The following RUNX1T1 variants were observed in gnomAD, a reference collection of about 807,000 sequenced individuals.
RUNX1T1 encodes RUNX1 partner transcriptional co-repressor 1.
RUNX1T1 carries 4 observed loss-of-function variants against 62.8 expected under a neutral mutation model. The observed-to-expected ratio is 0.06, with a 90% confidence interval of 0.03 to 0.15. The LOEUF (loss-of-function observed/expected upper bound fraction) is 0.15, where lower values mean the gene tolerates loss of function less well. RUNX1T1 is among the 10% of genes least tolerant of loss of function. RUNX1T1 has a pLI of 1.00. For missense variants in RUNX1T1, 508 were observed against 754.3 expected, an observed-to-expected ratio of 0.67 and a Z score of 3.82; for synonymous variants, 291 against 286.0, an observed-to-expected ratio of 1.02 and a Z score of -0.18.
intron 1 of RUNX1T1, among the ~76,000 whole-genome samples, chr8:92,033,976 A>T (rs917556522): frequency 2.0e-5 from 3 of 151,740 alleles, no homozygotes; most frequent in African/African-American, 7.3e-5. Flanking sequence ...CTCAAAAAAA[A>T]AAAATTTTTT....
chr8:92,017,497 T>C (rs1028705512), intron 1 of RUNX1T1, 134 bp from the exon 3 acceptor site: 4 of 1,541,480 alleles, frequency 2.6e-6, no homozygotes, highest in Non-Finnish European at 3.5e-6. Context: ...ACTTATCTAC[T>C]GACGTTTAAA....
intron 1 of RUNX1T1, among the ~76,000 whole-genome samples, chr8:92,019,429 G>A (rs1004573073): frequency 2.0e-5 from 3 of 151,986 alleles, no homozygotes; most frequent in African/African-American, 7.3e-5. Context: ...AGGGGGAGGG[G>A]AAGTGGGAGT....
intron 10 of RUNX1T1, among the ~76,000 whole-genome samples, chr8:91,966,478 T>C (rs1205690213): frequency 6.6e-6 from 1 of 152,160 alleles, no homozygotes; most frequent in African/African-American, 2.4e-5. Context: ...TAAAAGTATT[T>C]ATCTGTTTCT....
intron 6 of RUNX1T1, 140 bp from the exon 8 acceptor site, chr8:91,987,112 A>G: frequency 1.5e-6 from 1 of 650,778 alleles, no homozygotes; most frequent in Non-Finnish European, 2.8e-6. Flanking sequence ...AGTCATATTT[A>G]GATTCAGAAT....
chr8:91,986,513 A>G (rs1019976761), intron 7 of RUNX1T1, among the ~76,000 whole-genome samples, 188 bp from the exon 9 acceptor site: 65 of 152,234 alleles, frequency 4.3e-4, no homozygotes, highest in African/African-American at 1.5e-3. Flanking sequence ...AATGGGAATG[A>G]GAAGATAAGT....
At chr8:92,003,422 C>T (rs1343810828) in intron 5 of RUNX1T1, 5 of 455,274 alleles carry the variant, frequency 1.1e-5, no homozygotes, top group South Asian at 4.7e-5. Flanking sequence ...TTTCATATTC[C>T]CTGTTATGGT....
chr8:91,972,956 G>A lies in RUNX1T1; in HGVS notation c.1268-2108C>T, dbSNP rs574968947. On this transcript the variant is annotated intron_variant, in intron 9 of 10. Coordinates refer to ENST00000396218, the Ensembl canonical transcript of RUNX1T1. ...ACTTTTGAGTGCATTTGTTACTTTCGCTTTAAAAAATACTACTTTTAGAGG... is the reference window on the plus strand; with the variant it reads ...ACTTTTGAGTGCATTTGTTACTTTCACTTTAAAAAATACTACTTTTAGAGG... Among the ~76,000 whole-genome samples, 11 of 151,852 alleles carry A rather than the reference G, an allele frequency of 7.2e-5. No individual in the cohort carries two copies. In the South Asian group the frequency reaches 1.0e-3, roughly 14 times the overall value.
At chr8:92,048,126 C>T (rs1304778300) in intron 1 of RUNX1T1, among the ~76,000 whole-genome samples, 1 of 152,124 alleles carries the variant, frequency 6.6e-6, no homozygotes. Flanking sequence ...TCAAATGATC[C>T]ATTTTCAATA....
chr8:92,084,582 AC>A (rs1324771576), intron 1 of RUNX1T1, among the ~76,000 whole-genome samples: 2 of 152,290 alleles, frequency 1.3e-5, no homozygotes, highest in African/African-American at 4.8e-5. Flanking sequence ...AAGTACCCCA[AC>A]TGTTCCAGAC....
At position 92,036,349 on chromosome 8, in the gene RUNX1T1, T is replaced by G. The variant is rs372626423; in HGVS notation, c.8-18986A>C. ...ATACAGGAAAGTGTTCTCAATTTTC[T>G]AAGTTCATTGTGTTATTAACTTGTT... On this transcript the variant is annotated intron_variant, in intron 1 of 10. Transcript: ENST00000396218. Among the ~76,000 whole-genome samples the G allele has an allele frequency of 5.9e-5, 9 of 152,364 alleles. No individual in the cohort carries two copies. In the East Asian group the frequency reaches 1.4e-3, roughly 23 times the overall value.
intron 5 of RUNX1T1, among the ~76,000 whole-genome samples, chr8:92,001,433 A>G (rs1482033873): frequency 6.6e-6 from 1 of 152,108 alleles, no homozygotes; most frequent in Non-Finnish European, 1.5e-5. Flanking sequence ...AAATTACATA[A>G]CTCTGAAGTT....
At chr8:92,043,796 G>A (rs2130193702) in intron 1 of RUNX1T1, among the ~76,000 whole-genome samples, 1 of 152,026 alleles carries the variant, frequency 6.6e-6, no homozygotes, top group African/African-American at 2.4e-5. Flanking sequence ...GGCTAACATG[G>A]TGAAACCCCA....
chr8:91,964,705 A>G (rs1306151786), intron 10 of RUNX1T1, among the ~76,000 whole-genome samples: 2 of 152,196 alleles, frequency 1.3e-5, no homozygotes, highest in South Asian at 2.1e-4. Context: ...AAAATGCCAC[A>G]CTTTGTCAAC....
intron 4 of RUNX1T1, among the ~76,000 whole-genome samples, chr8:92,009,157 A>G (rs543487101): frequency 1.3e-5 from 2 of 152,204 alleles, no homozygotes; most frequent in East Asian, 1.9e-4. Flanking sequence ...TCTTCTTCCA[A>G]TTTAAAAAAT....
intron 1 of RUNX1T1, among the ~76,000 whole-genome samples, chr8:92,030,848 G>A (rs912931073): frequency 1.1e-4 from 17 of 152,136 alleles, no homozygotes; most frequent in African/African-American, 2.7e-4. Context: ...CCTGTCTGGC[G>A]TCTGACACAG....
At chr8:92,005,476 A>G (rs1820576439) in intron 4 of RUNX1T1, 179 bp from the exon 6 acceptor site, 1 of 572,944 alleles carries the variant, frequency 1.7e-6, no homozygotes, top group Non-Finnish European at 3.0e-6. Context: ...ATGTGCGCAG[A>G]TTGCCCTAAG....
chr8:92,069,443 T>G (rs1833357343), intron 2 of RUNX1T1, among the ~76,000 whole-genome samples: 1 of 152,164 alleles, frequency 6.6e-6, no homozygotes, highest in South Asian at 2.1e-4. Context: ...TTCATCATAT[T>G]TTCTTTCACA....
At chr8:92,002,660 T>G (rs1168477765) in intron 5 of RUNX1T1, among the ~76,000 whole-genome samples, 1 of 152,090 alleles carries the variant, frequency 6.6e-6, no homozygotes, top group Non-Finnish European at 1.5e-5. Flanking sequence ...GACTGATGGC[T>G]CCCAGTGTTA....
intron 1 of RUNX1T1, among the ~76,000 whole-genome samples, chr8:92,028,088 T>TGGGAAGGAAGGA (rs1825575830): frequency 3.1e-5 from 1 of 32,704 alleles, no homozygotes; most frequent in East Asian, 1.4e-3. Context: ...GGGGGGGGGG[T>TGGGAAGGAAGGA]GGGAAGGAAG....
Sources: allele counts gnomAD v4.1 joint callset (sites outside exome capture counted in the v4.1 genomes callset), GRCh38; gene constraint gnomAD v4.1.1; transcripts MANE v1.5; gene names NCBI Gene and HGNC (gene_info 2026-07-23, HGNC 2026-07-21).